Variants in GALNT13 observed in about 807,000 individuals in gnomAD.
The protein encoded by GALNT13 is UDP-GalNAc:polypeptide N-acetylgalactosaminyltransferase 13.
In GALNT13, 28 loss-of-function variants were observed where a neutral mutation model predicts 64.2. The ratio of observed to expected loss-of-function variants is 0.44; its 90% CI spans 0.32 to 0.60. GALNT13 has a LOEUF of 0.60. GALNT13 is among the 20% of genes least tolerant of loss of function. GALNT13 has a pLI of 0.05. For synonymous variants in GALNT13, 214 were observed against 224.6 expected, an observed-to-expected ratio of 0.95 and a Z score of 0.42; for missense variants, 577 against 669.8, an observed-to-expected ratio of 0.86 and a Z score of 1.53.
chr2:153,638,423 C>CCAAGAGCCAAGGAAAAGTACACAGCCCA, the GALNT13 span, among the ~76,000 whole-genome samples: 7 of 21,040 alleles, frequency 3.3e-4, no homozygotes, highest in South Asian at 5.1e-3. Context: ...GTTGCCTGGA[C>CCAAGAGCCAAGGAAAAGTACACAGCCCA]ACCCGGGATA....
the GALNT13 span, among the ~76,000 whole-genome samples, chr2:153,759,882 A>T: frequency 6.6e-6 from 1 of 152,098 alleles, no homozygotes; most frequent in Non-Finnish European, 1.5e-5. Flanking sequence ...GATTTATATT[A>T]GTTCTCCTTT....
At chr2:154,052,683 A>ATG (rs1339175781) in intron 3 of GALNT13, among the ~76,000 whole-genome samples, 66 of 148,998 alleles carry the variant, frequency 4.4e-4, no homozygotes, top group African/African-American at 1.5e-3. Flanking sequence ...TGTTCAATAT[A>ATG]TGATTGTTGA....
At chr2:154,371,855 A>T (rs2105312094) in intron 9 of GALNT13, among the ~76,000 whole-genome samples, 1 of 152,120 alleles carries the variant, frequency 6.6e-6, no homozygotes, top group South Asian at 2.1e-4. Context: ...CATACACATA[A>T]AAATACTCAC....
intron 4 of GALNT13, among the ~76,000 whole-genome samples, chr2:154,180,599 A>G (rs931380775): frequency 6.6e-6 from 1 of 152,138 alleles, no homozygotes; most frequent in Admixed American, 6.6e-5. Context: ...ACCATGTATA[A>G]GAATTCTAAA....
chr2:153,153,620 T>C, the GALNT13 span, among the ~76,000 whole-genome samples: 6 of 152,100 alleles, frequency 3.9e-5, no homozygotes, highest in South Asian at 1.2e-3. Context: ...GCTAGCCAAT[T>C]ATCCCAGCAG....
At chr2:153,165,271 A>G in the GALNT13 span, among the ~76,000 whole-genome samples, 4 of 152,220 alleles carry the variant, frequency 2.6e-5, no homozygotes, top group African/African-American at 9.6e-5. Context: ...TTATAGTGGG[A>G]GAGAAACATT....
chr2:153,164,302 A>G, the GALNT13 span, among the ~76,000 whole-genome samples: 1 of 152,254 alleles, frequency 6.6e-6, no homozygotes, highest in African/African-American at 2.4e-5. Flanking sequence ...AAATGTATAC[A>G]TAAACATATA....
intron 10 of GALNT13, among the ~76,000 whole-genome samples, chr2:154,404,559 A>C (rs1699440976): frequency 6.6e-6 from 1 of 152,206 alleles, no homozygotes; most frequent in Admixed American, 6.5e-5. Context: ...TTTCTAATAG[A>C]TACTCATGAG....
the GALNT13 span, among the ~76,000 whole-genome samples, chr2:153,451,343 A>G: frequency 6.6e-6 from 1 of 152,196 alleles, no homozygotes. Context: ...TATTGTCACA[A>G]AAACCTTCTT....
At chr2:153,212,275 A>G in the GALNT13 span, among the ~76,000 whole-genome samples, 3 of 152,336 alleles carry the variant, frequency 2.0e-5, no homozygotes, top group Admixed American at 2.0e-4. Context: ...GAGAAGATGA[A>G]CAATAGTAAA....
At chr2:153,723,467 G>T in the GALNT13 span, among the ~76,000 whole-genome samples, 55 of 148,102 alleles carry the variant, frequency 3.7e-4, no homozygotes, top group African/African-American at 1.2e-3. Context: ...AATCAGGCAG[G>T]AGAAGGAAAT....
intron 3 of GALNT13, among the ~76,000 whole-genome samples, chr2:154,067,647 A>C (rs1272785515): frequency 6.6e-6 from 1 of 152,134 alleles, no homozygotes; most frequent in Non-Finnish European, 1.5e-5. Flanking sequence ...AGGAAATATT[A>C]GAGCTAAAAA....
chr2:154,138,456 T>G (rs889672350), intron 3 of GALNT13, among the ~76,000 whole-genome samples: 8 of 151,896 alleles, frequency 5.3e-5, no homozygotes, highest in Admixed American at 4.6e-4. Context: ...GTACCCCAAA[T>G]TATTTAACCA....
chr2:153,814,469 A>AAGTAAGTAAGTAAG, the GALNT13 span, among the ~76,000 whole-genome samples: 32 of 65,340 alleles, frequency 4.9e-4, no homozygotes, highest in African/African-American at 1.4e-3. Context: ...AAGTAAGTAA[A>AAGTAAGTAAGTAAG]TAAATAAATA....
chr2:154,009,169 C>T (rs1380931613), intron 3 of GALNT13, among the ~76,000 whole-genome samples: 28 of 143,710 alleles, frequency 1.9e-4, no homozygotes, highest in African/African-American at 5.4e-4. Flanking sequence ...TCCATTGCTT[C>T]TTTTTTTTTC....
At chr2:153,071,387 G>A in the GALNT13 span, among the ~76,000 whole-genome samples, 2 of 152,178 alleles carry the variant, frequency 1.3e-5, no homozygotes, top group Non-Finnish European at 2.9e-5. Flanking sequence ...GAATCAGCAA[G>A]TACACTAAAA....
the GALNT13 span, among the ~76,000 whole-genome samples, chr2:153,133,523 T>C: frequency 6.6e-6 from 1 of 152,112 alleles, no homozygotes; most frequent in Non-Finnish European, 1.5e-5. Context: ...TTCTCACCCA[T>C]TTATGTGTCT....
At chr2:153,367,512 A>G in the GALNT13 span, among the ~76,000 whole-genome samples, 1 of 152,212 alleles carries the variant, frequency 6.6e-6, no homozygotes, top group African/African-American at 2.4e-5. Flanking sequence ...ATTACCCTGG[A>G]TACTTGTATG....
the GALNT13 span, among the ~76,000 whole-genome samples, chr2:153,782,812 G>C: frequency 6.6e-6 from 1 of 152,232 alleles, no homozygotes; most frequent in African/African-American, 2.4e-5. Context: ...ATAAATTTCT[G>C]TTGTTTAGAC....
Sources: allele counts gnomAD v4.1 joint callset (sites outside exome capture counted in the v4.1 genomes callset), GRCh38; gene constraint gnomAD v4.1.1; transcripts MANE v1.5; gene names NCBI Gene and HGNC (gene_info 2026-07-23, HGNC 2026-07-21).